ST3GAL1: variants seen among roughly 807,000 people sequenced by gnomAD.
ST3GAL1 encodes CMP-N-acetylneuraminate-beta-galactosamide-alpha-2,3-sialyltransferase 1.
ST3GAL1 carries 16 observed loss-of-function variants against 34.1 expected under a neutral mutation model. The ratio of observed to expected loss-of-function variants is 0.47; its 90% CI spans 0.32 to 0.71. The LOEUF (loss-of-function observed/expected upper bound fraction) is 0.71, where lower values mean the gene tolerates loss of function less well. ST3GAL1 is among the 30% of genes least tolerant of loss of function. ST3GAL1 has a pLI of 0.04. For synonymous variants in ST3GAL1, 191 were observed against 184.7 expected (o/e 1.03, Z -0.28); for missense variants, 353 against 447.4 (o/e 0.79, Z 1.90).
intron 2 of ST3GAL1, among the ~76,000 whole-genome samples, chr8:133,522,637 C>T (rs980632836): frequency 5.3e-5 from 8 of 152,208 alleles, no homozygotes; most frequent in African/African-American, 1.9e-4. Flanking sequence ...TCATATCCAG[C>T]AGAGTCACCT....
chr8:133,565,805 C>G (rs551297434), intron 1 of ST3GAL1, among the ~76,000 whole-genome samples: 2 of 152,332 alleles, frequency 1.3e-5, no homozygotes, highest in Non-Finnish European at 2.9e-5. Flanking sequence ...AAACAACGTG[C>G]CCAAGGTCCC....
chr8:133,562,777 GTTTCTTTC>G (rs67569776), intron 1 of ST3GAL1, among the ~76,000 whole-genome samples: 2 of 142,346 alleles, frequency 1.4e-5, no homozygotes, highest in Non-Finnish European at 3.1e-5. Context: ...TAAGAAAAGG[GTTTCTTTC>G]TTTCTTTCTT....
rs562028248 is a variant in ST3GAL1 at position 133,531,002 on chromosome 8, G to C, written c.-429+14772C>G. Among the ~76,000 whole-genome samples, 7 of 152,234 alleles carry C rather than the reference G, an allele frequency of 4.6e-5. No individual in the cohort carries two copies. The East Asian group carries it at 1.4e-3, about 29-fold the overall frequency. On this transcript the variant is annotated intron_variant, in intron 2 of 9. Transcript: ENST00000522652. ...GGGCAGGGGTCCGCAGACTCCTGGA[G>C]CCCTAACAGCTGACCTGTATCTGGA...
Position 133,459,467 on chromosome 8 carries a change from T to G in ST3GAL1, c.*297A>C. 1 of 272,204 alleles carries G rather than the reference T, an allele frequency of 3.7e-6. No homozygotes were observed. Among genetic ancestry groups the G allele is most frequent in the Non-Finnish European group, 6.9e-6 (1 of 145,788 alleles). 16.9% of individuals were successfully genotyped at this position (272,204 alleles called of 1,614,324 possible). On this transcript the variant is annotated 3_prime_UTR_variant, in exon 10 of 10. Coordinates refer to ENST00000522652, the MANE Select transcript of ST3GAL1 (RefSeq NM_173344.3). This position sits in a 1 kb window ranked among gnomAD's most constrained non-coding sequence, Gnocchi z 4.7. Reference sequence around the variant, plus strand: ...CCCAAGCTTGCCCCAGGAGCCAAAATGATTTTAGTGTGTGGAGGTTGAACC... The same window carrying G: ...CCCAAGCTTGCCCCAGGAGCCAAAAGGATTTTAGTGTGTGGAGGTTGAACC...
intron 2 of ST3GAL1, among the ~76,000 whole-genome samples, chr8:133,501,981 C>A (rs1173189931): frequency 1.3e-5 from 2 of 152,146 alleles, no homozygotes; most frequent in African/African-American, 2.4e-5. Context: ...CAGCCCAGGG[C>A]ACCTCAAACC....
intron 6 of ST3GAL1, chr8:133,465,609 C>T (rs1008794088): frequency 7.3e-5 from 25 of 344,584 alleles, no homozygotes; most frequent in African/African-American, 2.1e-5. Context: ...ATTAATTTTG[C>T]CCTCTCCCCA....
intron 2 of ST3GAL1, among the ~76,000 whole-genome samples, chr8:133,517,465 T>C (rs777672465): frequency 2.6e-5 from 4 of 152,234 alleles, no homozygotes; most frequent in Non-Finnish European, 4.4e-5. Flanking sequence ...TTCTCCTGCC[T>C]CAGCCTCCCA....
rs1056386027 is a variant in ST3GAL1 at position 133,544,933 on chromosome 8, T to C, written c.-429+841A>G. On this transcript the variant is annotated intron_variant, in intron 2 of 9. Coordinates refer to ENST00000522652, the MANE Select transcript of ST3GAL1 (RefSeq NM_173344.3). The stretch of plus-strand genomic sequence containing the variant: ...TCTTCTTCTGCAGTGATGGCAATCA[T>C]GCCCAAGCTGGGTTAGAGACCAGCA... 7.2e-5 allele frequency among the ~76,000 whole-genome samples: 11 copies of C among 152,206 alleles called. No individual in the cohort carries two copies. The South Asian group carries it at 1.7e-3, about 23-fold the overall frequency.
At chr8:133,560,997 C>T (rs967425494) in intron 1 of ST3GAL1, among the ~76,000 whole-genome samples, 3 of 152,076 alleles carry the variant, frequency 2.0e-5, no homozygotes, top group African/African-American at 7.2e-5. Context: ...AGGTGGAGGG[C>T]AGACAGCCTG....
intron 2 of ST3GAL1, among the ~76,000 whole-genome samples, chr8:133,506,241 T>C (rs1016660347): frequency 1.3e-5 from 2 of 152,176 alleles, no homozygotes; most frequent in African/African-American, 2.4e-5. Flanking sequence ...GAATAGGTTA[T>C]TATACCTCAC....
At position 133,540,733 on chromosome 8, in the gene ST3GAL1, A is replaced by G. The variant is rs1439713199; in HGVS notation, c.-429+5041T>C. On this transcript the variant is annotated intron_variant, in intron 2 of 9. Transcript: ENST00000522652. ...CAGACATATATATATATAGACATAT[A>G]TATATATATAGACATATATATATAT... 9.4e-5 allele frequency among the ~76,000 whole-genome samples: 9 copies of G among 95,482 alleles called. 1 individual carries two copies. The highest frequency in any genetic ancestry group is 4.1e-4 in the African/African-American group (9 of 22,132). The allele number at this position is 95,482 out of a possible 152,430, so 62.6% of individuals were successfully genotyped here.
intron 3 of ST3GAL1, chr8:133,487,949 C>T (rs1206325961): frequency 2.3e-5 from 3 of 131,082 alleles, no homozygotes; most frequent in Non-Finnish European, 4.7e-5. Flanking sequence ...GCCTGGGCAA[C>T]AGAGCGAGAC....
At chr8:133,566,076 G>A (rs1309035136) in intron 1 of ST3GAL1, among the ~76,000 whole-genome samples, 1 of 152,200 alleles carries the variant, frequency 6.6e-6, no homozygotes, top group Non-Finnish European at 1.5e-5. Context: ...TGGGCACCCC[G>A]ACCATCTTAT....
At chr8:133,503,869 T>C (rs956658521) in intron 2 of ST3GAL1, among the ~76,000 whole-genome samples, 8 of 152,136 alleles carry the variant, frequency 5.3e-5, no homozygotes, top group African/African-American at 1.7e-4. Flanking sequence ...GGTGATGCAT[T>C]AGGGCTGAAG....
intron 2 of ST3GAL1, among the ~76,000 whole-genome samples, chr8:133,512,629 C>A (rs1471464559): frequency 1.3e-5 from 2 of 152,146 alleles, no homozygotes; most frequent in Non-Finnish European, 2.9e-5. Flanking sequence ...GGTCCTATGG[C>A]CAGCTGTGAG....
At chr8:133,490,585 C>T (rs967924059) in intron 3 of ST3GAL1, among the ~76,000 whole-genome samples, 1 of 152,116 alleles carries the variant, frequency 6.6e-6, no homozygotes, top group Non-Finnish European at 1.5e-5. Context: ...GGGGGCATAG[C>T]ACTGATGGAG....
chr8:133,482,545 G>T (rs1031780427), intron 3 of ST3GAL1, among the ~76,000 whole-genome samples: 1 of 152,188 alleles, frequency 6.6e-6, no homozygotes, highest in Non-Finnish European at 1.5e-5. Flanking sequence ...CCACCCAAGC[G>T]GCCCCACTGC....
At position 133,475,067 on chromosome 8, in the gene ST3GAL1, G is replaced by A. The variant is rs200191932; in HGVS notation, c.306+652C>T. On this transcript the variant is annotated intron_variant, in intron 5 of 9. Coordinates refer to ENST00000522652, the MANE Select transcript of ST3GAL1 (RefSeq NM_173344.3). ...AAGCGCCTCTGTGGGTGAAATTGTT[G>A]AGGATCTCTGCATGAGATCATCCTG... Among the ~76,000 whole-genome samples, 23 of 152,342 alleles carry A rather than the reference G, an allele frequency of 1.5e-4. No homozygotes were observed. The East Asian group carries it at 4.2e-3, about 28-fold the overall frequency.
chr8:133,516,870 T>C (rs757641702), intron 2 of ST3GAL1, among the ~76,000 whole-genome samples: 6 of 152,142 alleles, frequency 3.9e-5, no homozygotes, highest in Non-Finnish European at 8.8e-5. Context: ...GAACACCAGG[T>C]CAAGGGCAAA....
Sources: gnomAD v4.1 joint callset for allele counts (sites outside exome capture counted in the v4.1 genomes callset) on GRCh38, gnomAD v4.1.1 for gene constraint, Gnocchi (gnomAD v3.1) non-coding constraint, MANE v1.5 for transcripts, NCBI Gene and HGNC (gene_info 2026-07-23, HGNC 2026-07-21) for gene names.